NBPF26: variants seen among roughly 807,000 people sequenced by gnomAD.
NBPF26 encodes the protein NBPF member 26, also known as NBPF family member NBPF26.
In NBPF26, 79 loss-of-function variants were observed where a neutral mutation model predicts 119.6. The ratio of observed to expected loss-of-function variants is 0.66; its 90% confidence interval spans 0.55 to 0.80. The LOEUF is 0.80. Ranked by LOEUF, NBPF26 falls within the 30% of genes least tolerant of loss-of-function variation. The pLI is 0.00. For synonymous variants in NBPF26, 299 were observed against 457.7 expected (o/e 0.65, Z 4.43); for missense variants, 800 against 1,198.2 (o/e 0.67, Z 4.91).
exon 30 of NBPF26, chr1:120,840,440 A>T (rs1652490868): frequency 3.4e-6 from 5 of 1,474,520 alleles, no homozygotes; most frequent in South Asian, 1.2e-5. Context: ...TGTACTTTGA[A>T]CTACCTGACT....
chr1:120,793,179 C>T lies in NBPF26; in HGVS notation c.434C>T (p.Thr145Ile), dbSNP rs1651512241. 3 of 1,438,488 alleles carry T rather than the reference C, an allele frequency of 2.1e-6. 1 individual carries two copies. The highest frequency in any genetic ancestry group is 2.7e-5 in the African/African-American group (1 of 36,444). The allele number at this position is 1,438,488 out of a possible 1,614,324, so 89.1% of individuals were successfully genotyped here. The change falls in exon 4 of 30, where the codon ACC (threonine) becomes ATC (isoleucine). Residue 145 changes from threonine (T) to isoleucine (I), a missense_variant. Around this residue, in one of 13 missense-constraint regions of NBPF26, gnomAD observed 209 missense variants for 285.2 expected, o/e 0.73. Coordinates refer to ENST00000620612, the Ensembl canonical transcript of NBPF26. ...CCTTTAGGTAAGGAGTGCCAATGGA[C>T]CGATGCCTGCCTGTCTCATCTCTGT... is the stretch of plus-strand genomic sequence containing the variant.
intron 1 of NBPF26, among the ~76,000 whole-genome samples, chr1:120,737,401 C>A (rs1650917807): frequency 7.1e-5 from 1 of 14,118 alleles, no homozygotes; most frequent in Admixed American, 7.1e-4. Context: ...AGAGAGAAAA[C>A]CAAAGAAGCA....
At position 120,801,698 on chromosome 1, in the gene NBPF26, G is replaced by A. The variant is rs1376556981; in HGVS notation, c.752-3858G>A. Among the ~76,000 whole-genome samples, 10 of 107,724 alleles carry A rather than the reference G, an allele frequency of 9.3e-5. 3 individuals are homozygous for A. The highest frequency in any genetic ancestry group is 1.8e-4 in the Admixed American group (2 of 11,146). 70.7% of individuals were successfully genotyped at this position (107,724 alleles called of 152,430 possible). Reference sequence around the variant, plus strand: ...TAAAAAACTAGCCAGAAATGGTGATGTGTGCCTAGAGTTCCAACTACTTGG... The same window carrying A: ...TAAAAAACTAGCCAGAAATGGTGATATGTGCCTAGAGTTCCAACTACTTGG... On this transcript the variant is annotated intron_variant, in intron 4 of 29. Coordinates refer to ENST00000620612, the Ensembl canonical transcript of NBPF26.
intron 2 of NBPF26, among the ~76,000 whole-genome samples, chr1:120,784,296 C>T (rs1651398343): frequency 8.5e-6 from 1 of 117,182 alleles, no homozygotes; most frequent in East Asian, 2.1e-4. Flanking sequence ...GTCTGTTGTA[C>T]CTCATATGTA....
At position 120,728,902 on chromosome 1, in the gene NBPF26, C is replaced by G. The variant is rs1650845421; in HGVS notation, c.73+4652C>G. ...ATGATGAATAAATACTTGAGAGAAT[C>G]ACATGGTGTTGAGTTGTCTCTGCCA... On this transcript the variant is annotated intron_variant, in intron 1 of 29. Coordinates refer to ENST00000620612, the Ensembl canonical transcript of NBPF26. Among the ~76,000 whole-genome samples the G allele has an allele frequency of 2.8e-5, 3 of 107,908 alleles. 1 individual carries two copies. In the South Asian group the frequency reaches 7.9e-4, roughly 29 times the overall value. 70.8% of individuals were successfully genotyped at this position (107,908 alleles called of 152,430 possible).
intron 15 of NBPF26, among the ~76,000 whole-genome samples, 195 bp from the exon 16 acceptor site, chr1:120,821,909 C>A (rs1290460077): frequency 8.2e-6 from 1 of 121,852 alleles, no homozygotes; most frequent in East Asian, 2.0e-4. Context: ...ACACGCTGCC[C>A]ATTTTTGCTC....
Position 120,793,386 on chromosome 1 carries a change from C to G in NBPF26, c.641C>G (p.Thr214Arg), listed in dbSNP as rs1254220773. The change falls in exon 4 of 30, where the codon ACA becomes AGA. Residue 214 changes from threonine to arginine, a missense_variant. This residue lies in a region of NBPF26 where 155 missense variants were observed against 143.7 expected (regional missense o/e 1.08). Coordinates refer to ENST00000620612, the Ensembl canonical transcript of NBPF26. ...CAGTGCCAGTGCCTTCAGGGCTTCA[C>G]AGGCCAGTACTGTGACAGACTGTAT... The G allele has an allele frequency of 9.0e-6, 13 of 1,437,306 alleles. 3 individuals are homozygous for G. Among genetic ancestry groups the G allele is most frequent in the Non-Finnish European group, 1.2e-5 (13 of 1,075,140 alleles). 89.0% of individuals were successfully genotyped at this position (1,437,306 alleles called of 1,614,324 possible). A position where few individuals can be genotyped will look rare whatever the true frequency, so the allele number is the denominator to read the frequency against.
In NBPF26 at chr1:120,806,205, G is replaced by A. The variant is rs1271504388; in HGVS notation, c.961+440G>A. On this transcript the variant is annotated intron_variant, in intron 5 of 29. Coordinates refer to ENST00000620612, the Ensembl canonical transcript of NBPF26. Reference sequence around the variant, plus strand: ...AGCTCTGTTCTAGTGACTCTGAGGGGAACTTGGTGATAGTACCCAGTACCT... The same window carrying A: ...AGCTCTGTTCTAGTGACTCTGAGGGAAACTTGGTGATAGTACCCAGTACCT... Among the ~76,000 whole-genome samples, 7 of 122,890 alleles carry A rather than the reference G, an allele frequency of 5.7e-5. 1 individual carries two copies. The highest frequency in any genetic ancestry group is 1.2e-4 in the Non-Finnish European group (7 of 60,718). The allele number at this position is 122,890 out of a possible 152,430, so 80.6% of individuals were successfully genotyped here.
At position 120,840,274 on chromosome 1, in the gene NBPF26, T is replaced by G. The variant is rs1553273367; in HGVS notation, c.4104-76T>G. The G allele has an allele frequency of 9.0e-6, 13 of 1,442,626 alleles. 3 individuals are homozygous for G. The African/African-American group carries it at 1.5e-4, about 17-fold the overall frequency. The allele number at this position is 1,442,626 out of a possible 1,614,324, so 89.4% of individuals were successfully genotyped here. A position where few individuals can be genotyped will look rare whatever the true frequency, so the allele number is the denominator to read the frequency against. On this transcript the variant is annotated intron_variant, in intron 29 of 29. Coordinates refer to ENST00000620612, the Ensembl canonical transcript of NBPF26. ...TTCTTTTCTAACCACTTCCTTATGTTACTTCTGAAATCTAGTGGGGCTCTG... is the reference window on the plus strand; with the variant it reads ...TTCTTTTCTAACCACTTCCTTATGTGACTTCTGAAATCTAGTGGGGCTCTG...
At chr1:120,752,663 C>T (rs1171603159) in intron 1 of NBPF26, among the ~76,000 whole-genome samples, 1 of 42,518 alleles carries the variant, frequency 2.4e-5, no homozygotes, top group East Asian at 5.9e-4. Flanking sequence ...CTCCGCCTCC[C>T]GGGTTCATGC....
At chr1:120,813,868 C>T (rs1651937310) in intron 10 of NBPF26, 23 bp from the exon 11 acceptor site, 1 of 1,460,530 alleles carries the variant, frequency 6.8e-7, no homozygotes, top group Admixed American at 1.8e-5. Flanking sequence ...TCCACTGAGG[C>T]AGGTGTGTCT....
intron 1 of NBPF26, among the ~76,000 whole-genome samples, chr1:120,752,552 ATATTTT>A (rs1386925490): frequency 4.5e-4 from 4 of 8,972 alleles, no homozygotes; most frequent in Non-Finnish European, 3.4e-4. Flanking sequence ...ATATATATAT[ATATTTT>A]TTTTTTTTTT....
intron 10 of NBPF26, among the ~76,000 whole-genome samples, chr1:120,812,972 A>T (rs1553271203): frequency 8.4e-6 from 1 of 119,176 alleles, no homozygotes; most frequent in Non-Finnish European, 1.6e-5. Context: ...AAAAATAAGA[A>T]TAAAAAGCAG....
chr1:120,752,557 T>G lies in NBPF26; in HGVS notation c.74-11071T>G, dbSNP rs1651033898. ...ATATATATATATATATATATATATTTTTTTTTTTTTTTTTTTTCTTTTTTT... is the reference window on the plus strand; with the variant it reads ...ATATATATATATATATATATATATTGTTTTTTTTTTTTTTTTTCTTTTTTT... On this transcript the variant is annotated intron_variant, in intron 1 of 29. Coordinates refer to ENST00000620612, the Ensembl canonical transcript of NBPF26. Among the ~76,000 whole-genome samples the G allele has an allele frequency of 1.9e-4, 4 of 21,072 alleles. No individual in the cohort carries two copies. In the African/African-American group the frequency reaches 2.5e-3, roughly 13 times the overall value. The allele number at this position is 21,072 out of a possible 152,430, so 13.8% of individuals were successfully genotyped here.
In NBPF26 at chr1:120,822,017, G is replaced by C; in HGVS notation, c.2424-87G>C. The C allele has an allele frequency of 4.4e-6, 6 of 1,372,986 alleles. 2 individuals carry two copies. Among genetic ancestry groups the C allele is most frequent in the Non-Finnish European group, 5.9e-6 (6 of 1,014,394 alleles). The allele number at this position is 1,372,986 out of a possible 1,614,324, so 85.1% of individuals were successfully genotyped here. On this transcript the variant is annotated intron_variant, in intron 15 of 29. Coordinates refer to ENST00000620612, the Ensembl canonical transcript of NBPF26. The stretch of plus-strand genomic sequence containing the variant: ...TTGGTTTCTGTGACCACTCCATTCT[G>C]TCTCCCATCAGATCATCTGGGAGGT...
chr1:120,808,147 G>A (rs1169098628), intron 6 of NBPF26, among the ~76,000 whole-genome samples: 36 of 116,532 alleles, frequency 3.1e-4, no homozygotes, highest in African/African-American at 7.8e-4. Flanking sequence ...TTTTCAATTC[G>A]CCCCATCTGC....
At chr1:120,822,911 T>G (rs1325176409) in intron 16 of NBPF26, among the ~76,000 whole-genome samples, 1 of 122,212 alleles carries the variant, frequency 8.2e-6, no homozygotes, top group East Asian at 2.0e-4. Context: ...CATTGCACCC[T>G]TTCATCAAAT....
chr1:120,778,439 C>A lies in NBPF26; in HGVS notation c.156-6535C>A, dbSNP rs1179771168. Among the ~76,000 whole-genome samples the A allele has an allele frequency of 3.6e-5, 4 of 111,650 alleles. 1 individual carries two copies. Among genetic ancestry groups the A allele is most frequent in the African/African-American group, 1.7e-4 (3 of 17,610 alleles). 73.2% of individuals were successfully genotyped at this position (111,650 alleles called of 152,430 possible). ...GGAGCAGCTTCAGTGCCGACGCAAC[C>A]CACATGAGACTTTTTTTTCCCCTTC... On this transcript the variant is annotated intron_variant, in intron 2 of 29. Transcript: ENST00000620612.
rs1220920960 is a variant in NBPF26, at chr1:120,825,480, CT to C, written c.2812+1335del. On this transcript the variant is annotated intron_variant, in intron 18 of 29. Coordinates refer to ENST00000620612, the Ensembl canonical transcript of NBPF26. ...GGAGCTGTGTGGTTTCTGATTCCCC[CT>C]GGCTTATTCTTTACTTTTTCCCACT... Among the ~76,000 whole-genome samples the C allele has an allele frequency of 4.2e-5, 5 of 117,704 alleles. No individual in the cohort carries two copies. In the East Asian group the frequency reaches 1.1e-3, roughly 25 times the overall value. The allele number at this position is 117,704 out of a possible 152,430, so 77.2% of individuals were successfully genotyped here. A position where few individuals can be genotyped will look rare whatever the true frequency, so the allele number is the denominator to read the frequency against.
Sources: allele counts gnomAD v4.1 joint callset (sites outside exome capture counted in the v4.1 genomes callset), GRCh38; gene constraint gnomAD v4.1.1; regional missense constraint gnomAD v4.1.1; transcripts MANE v1.5; gene names NCBI Gene and HGNC (gene_info 2026-07-23, HGNC 2026-07-21).